VWA8: variants seen among roughly 807,000 people sequenced by gnomAD.
VWA8 encodes von Willebrand factor A domain-containing protein 8.
A neutral mutation model predicts 241.5 loss-of-function variants in VWA8; 221 were observed. The ratio of observed to expected loss-of-function variants is 0.91; its 90% CI spans 0.82 to 1.02. The LOEUF (loss-of-function observed/expected upper bound fraction) is 1.02, where lower values mean the gene tolerates loss of function less well. VWA8 is among the 50% of genes least tolerant of loss of function. The probability of loss-of-function intolerance (pLI) is 0.00; values close to 1 mark genes in which losing one functional copy is unlikely to be tolerated. For missense variants in VWA8, 2,322 were observed against 2,328.7 expected, an observed-to-expected ratio of 1.00 and a Z score of 0.06; for synonymous variants, 852 against 827.1, an observed-to-expected ratio of 1.03 and a Z score of -0.52.
chr13:41,959,668 C>G (rs1878520656), intron 1 of VWA8, among the ~76,000 whole-genome samples: 1 of 126,318 alleles, frequency 7.9e-6, no homozygotes. Flanking sequence ...AGTGCAGTGG[C>G]TCCGGTCACT....
chr13:41,577,512 A>G (rs1471370225), intron 42 of VWA8, among the ~76,000 whole-genome samples: 1 of 152,212 alleles, frequency 6.6e-6, no homozygotes, highest in African/African-American at 2.4e-5. Context: ...AAAGTCATCC[A>G]TGGGTTCAGT....
At chr13:41,943,681 G>C (rs565865584) in intron 2 of VWA8, among the ~76,000 whole-genome samples, 1 of 152,156 alleles carries the variant, frequency 6.6e-6, no homozygotes, top group Non-Finnish European at 1.5e-5. Flanking sequence ...TAATAAAAAG[G>C]CAGACAACTC....
At chr13:41,592,150 G>T (rs1469738566) in intron 40 of VWA8, among the ~76,000 whole-genome samples, 2 of 148,292 alleles carry the variant, frequency 1.3e-5, no homozygotes, top group East Asian at 4.0e-4. Flanking sequence ...AAAATGATGA[G>T]TTCATGTCCT....
At chr13:41,881,849 C>G (rs1475161608) in intron 9 of VWA8, among the ~76,000 whole-genome samples, 1 of 128,336 alleles carries the variant, frequency 7.8e-6, no homozygotes, top group Admixed American at 7.4e-5. Flanking sequence ...GCTGGCCGGG[C>G]GGGGGGCTGA....
intron 17 of VWA8, among the ~76,000 whole-genome samples, chr13:41,788,459 A>T (rs1330853754): frequency 6.6e-6 from 1 of 152,208 alleles, no homozygotes; most frequent in African/African-American, 2.4e-5. Flanking sequence ...GTAAAATTCC[A>T]GTCCATATAT....
At chr13:41,873,495 A>C (rs1359792725) in intron 9 of VWA8, among the ~76,000 whole-genome samples, 2 of 152,184 alleles carry the variant, frequency 1.3e-5, no homozygotes, top group Non-Finnish European at 2.9e-5. Context: ...AAAATGATAA[A>C]GGGGATATCA....
At chr13:41,647,886 G>A (rs1321267328) in intron 37 of VWA8, among the ~76,000 whole-genome samples, 2 of 152,122 alleles carry the variant, frequency 1.3e-5, no homozygotes, top group South Asian at 2.1e-4. Flanking sequence ...CTACTCAGGA[G>A]GCTGAAGCAG....
chr13:41,950,616 C>T (rs1322089801), intron 1 of VWA8, among the ~76,000 whole-genome samples: 1 of 151,466 alleles, frequency 6.6e-6, no homozygotes, highest in African/African-American at 2.4e-5. Flanking sequence ...GATCTGCCCG[C>T]CTTGGCCTCC....
intron 17 of VWA8, among the ~76,000 whole-genome samples, chr13:41,789,649 T>C (rs1042406892): frequency 6.6e-6 from 1 of 152,128 alleles, no homozygotes; most frequent in Non-Finnish European, 1.5e-5. Context: ...AGGAATAAGA[T>C]AGGACTTCTC....
At chr13:41,765,594 T>C (rs949131327) in intron 20 of VWA8, among the ~76,000 whole-genome samples, 1 of 152,226 alleles carries the variant, frequency 6.6e-6, no homozygotes, top group Non-Finnish European at 1.5e-5. Context: ...ATTGAATAAA[T>C]ATATAAATAG....
At chr13:41,753,066 G>A (rs940129350) in intron 21 of VWA8, among the ~76,000 whole-genome samples, 1 of 152,066 alleles carries the variant, frequency 6.6e-6, no homozygotes, top group African/African-American at 2.4e-5. Context: ...TTTAGATGGA[G>A]GAATAAAGAA....
At chr13:41,625,764 T>C (rs9594590) in intron 37 of VWA8, among the ~76,000 whole-genome samples, 5,000 of 151,962 alleles carry the variant, frequency 0.033, 281 homozygotes, top group African/African-American at 0.11. Context: ...ATCATGCTGC[T>C]ATAAAGACAC....
chr13:41,627,707 G>T (rs1024684358), intron 37 of VWA8, among the ~76,000 whole-genome samples: 1 of 152,076 alleles, frequency 6.6e-6, no homozygotes. Context: ...ATGCAACAAA[G>T]GCTCCAGTCA....
intron 16 of VWA8, among the ~76,000 whole-genome samples, chr13:41,812,917 C>T (rs1220412826): frequency 1.3e-5 from 2 of 151,970 alleles, no homozygotes; most frequent in Non-Finnish European, 2.9e-5. Context: ...TACTTCAATG[C>T]TAAAATAAGT....
intron 38 of VWA8, among the ~76,000 whole-genome samples, chr13:41,613,699 G>T (rs1332092151): frequency 6.6e-6 from 1 of 152,164 alleles, no homozygotes; most frequent in Admixed American, 6.5e-5. Flanking sequence ...GCTTACCAGA[G>T]GTTCTAAGAC....
At chr13:41,905,555 A>T (rs1875668910) in intron 4 of VWA8, among the ~76,000 whole-genome samples, 1 of 152,114 alleles carries the variant, frequency 6.6e-6, no homozygotes, top group Non-Finnish European at 1.5e-5. Context: ...AAACATAAAA[A>T]TGGCTATCTA....
chr13:41,958,649 A>C (rs980840857), intron 1 of VWA8, among the ~76,000 whole-genome samples: 2 of 152,168 alleles, frequency 1.3e-5, no homozygotes, highest in Non-Finnish European at 2.9e-5. Flanking sequence ...GAGTAGCCAA[A>C]AGTGTGCTGT....
chr13:41,735,094 T>C (rs747574197), intron 21 of VWA8, among the ~76,000 whole-genome samples: 17 of 152,208 alleles, frequency 1.1e-4, no homozygotes, highest in Non-Finnish European at 2.5e-4. Context: ...GTTAATATTC[T>C]AGCAATAGAG....
rs1035969161 is a variant in VWA8, at chr13:41,610,151, C to T, written c.4877+1425G>A. ...GGTTTTAAGGGTGGCAACAACAGAA[C>T]TCATTAATTGCGGAGGGGAGAATGA... On this transcript the variant is annotated intron_variant, in intron 39 of 44. Transcript: ENST00000379310. Among the ~76,000 whole-genome samples the T allele has an allele frequency of 2.6e-5, 4 of 152,304 alleles. No homozygotes were observed. The East Asian group carries it at 7.7e-4, about 29-fold the overall frequency.
Sources: gnomAD v4.1 joint callset for allele counts (sites outside exome capture counted in the v4.1 genomes callset) on GRCh38, gnomAD v4.1.1 for gene constraint, MANE v1.5 for transcripts, NCBI Gene and HGNC (gene_info 2026-07-23, HGNC 2026-07-21) for gene names.